RYR3: variants seen among roughly 807,000 people sequenced by gnomAD.
RYR3 encodes brain ryanodine receptor-calcium release channel.
RYR3 carries 207 observed loss-of-function variants against 584.3 expected under a neutral mutation model. The observed-to-expected ratio is 0.35, with a 90% CI of 0.32 to 0.40. RYR3 has a LOEUF of 0.40. Among genes scored for constraint, RYR3 ranks in the 10% least tolerant of loss-of-function variants. The probability of loss-of-function intolerance (pLI) is 1.00; values close to 1 mark genes in which losing one functional copy is unlikely to be tolerated. For missense variants in RYR3, 5,616 were observed against 6,089.2 expected, an observed-to-expected ratio of 0.92 and a Z score of 2.59; for synonymous variants, 2,416 against 2,248.5, an observed-to-expected ratio of 1.07 and a Z score of -2.11.
chr15:33,718,168 G>A (rs945465950), intron 43 of RYR3, among the ~76,000 whole-genome samples: 4 of 152,106 alleles, frequency 2.6e-5, no homozygotes, highest in African/African-American at 9.7e-5. Flanking sequence ...ACTGAGGTGG[G>A]ACTTGATTGG....
chr15:33,547,274 C>T (rs1355205982), intron 8 of RYR3, among the ~76,000 whole-genome samples: 7 of 152,292 alleles, frequency 4.6e-5, no homozygotes, highest in Non-Finnish European at 8.8e-5. Flanking sequence ...ACGGAGAAAG[C>T]ATAGCAGATC....
chr15:33,503,789 C>T, intron 3 of RYR3, 51 bp downstream of exon 3: 1 of 1,030,864 alleles, frequency 9.7e-7, no homozygotes, highest in Non-Finnish European at 1.5e-6. Context: ...ACCACATCCC[C>T]AAAATACGTT....
chr15:33,475,766 ATAGT>A (rs1353688297), intron 2 of RYR3, among the ~76,000 whole-genome samples: 1 of 152,222 alleles, frequency 6.6e-6, no homozygotes, highest in Non-Finnish European at 1.5e-5. Flanking sequence ...TGGGAATTTA[ATAGT>A]AACTACCCTA....
rs1460047369 is a variant in RYR3 at position 33,742,640 on chromosome 15, G to A, written c.7899+196G>A. ...ATAGGTGACAGCAGCTGCTGGTGTT[G>A]CTTTTGTATTTCTCAAGAAAATGAT... is the stretch of plus-strand genomic sequence containing the variant. On this transcript the variant is annotated intron_variant, in intron 52 of 103. Coordinates refer to ENST00000634891, the MANE Select transcript of RYR3 (RefSeq NM_001036.6). Among the ~76,000 whole-genome samples, 11 of 152,284 alleles carry A rather than the reference G, an allele frequency of 7.2e-5. No homozygotes were observed. In the East Asian group the frequency reaches 2.1e-3, roughly 29 times the overall value.
chr15:33,561,951 C>T (rs1474598678), intron 10 of RYR3, among the ~76,000 whole-genome samples: 1 of 151,832 alleles, frequency 6.6e-6, no homozygotes, highest in Non-Finnish European at 1.5e-5. Context: ...AGGCAACAGC[C>T]GTTTTTTATT....
chr15:33,798,702 G>GT (rs1257936826), intron 67 of RYR3, among the ~76,000 whole-genome samples: 1 of 152,198 alleles, frequency 6.6e-6, no homozygotes, highest in Non-Finnish European at 1.5e-5. Flanking sequence ...AATGGGGTTT[G>GT]TTACTATGGA....
At chr15:33,773,430 TC>T in intron 63 of RYR3, 103 bp from the exon 64 acceptor site, 3 of 775,906 alleles carry the variant, frequency 3.9e-6, no homozygotes. Flanking sequence ...AAGGGAGAGA[TC>T]TTTTACTCTT....
At position 33,530,680 on chromosome 15, in the gene RYR3, G is replaced by A. The variant is rs777012158; in HGVS notation, c.354+14G>A. On this transcript the variant is annotated intron_variant, in intron 4 of 103. Transcript: ENST00000634891. ...TTCAGCGGAATGGTAAGCAGCTCTG[G>A]TGCCCACTTTCATCATTCAAGGAGA... The A allele has an allele frequency of 6.2e-7, 1 of 1,602,666 alleles. No individual in the cohort carries two copies. The highest frequency in any genetic ancestry group is 8.5e-7 in the Non-Finnish European group (1 of 1,170,134).
chr15:33,365,527 T>A (rs990328625), intron 1 of RYR3, among the ~76,000 whole-genome samples: 2 of 152,042 alleles, frequency 1.3e-5, no homozygotes, highest in Non-Finnish European at 2.9e-5. Flanking sequence ...AAGTGTAGTT[T>A]GGGGACATTA....
rs114432749 is a variant in RYR3 at position 33,322,326 on chromosome 15, G to A, written c.51+11230G>A. The stretch of plus-strand genomic sequence containing the variant: ...GCATAGTGAAAAGCAAAGCAAGAGC[G>A]AGCATGTCACATGGCCAGAGAAGGA... On this transcript the variant is annotated intron_variant, in intron 1 of 103. Coordinates refer to ENST00000634891, the MANE Select transcript of RYR3 (RefSeq NM_001036.6). Among the ~76,000 whole-genome samples the A allele has an allele frequency of 6.0e-3, 919 of 152,258 alleles. 12 individuals carry two copies. The highest frequency in any genetic ancestry group is 0.021 in the African/African-American group (873 of 41,526).
intron 24 of RYR3, among the ~76,000 whole-genome samples, chr15:33,634,348 G>A (rs941685699): frequency 2.6e-5 from 4 of 152,148 alleles, no homozygotes; most frequent in Non-Finnish European, 5.9e-5. Context: ...ACCACACCCG[G>A]CCAAAAGTGT....
chr15:33,846,059 C>CAGCTGGGGT (rs774328836), intron 93 of RYR3, among the ~76,000 whole-genome samples: 3 of 152,238 alleles, frequency 2.0e-5, no homozygotes, highest in Non-Finnish European at 4.4e-5. Flanking sequence ...AGGATGGGCT[C>CAGCTGGGGT]AGCTGGGGTA....
At chr15:33,470,565 A>G (rs2048848989) in intron 1 of RYR3, among the ~76,000 whole-genome samples, 1 of 152,234 alleles carries the variant, frequency 6.6e-6, no homozygotes. Flanking sequence ...CAAATCTAGT[A>G]AAAGTAAGGA....
At chr15:33,734,962 A>G (rs978147786) in intron 48 of RYR3, among the ~76,000 whole-genome samples, 1 of 152,108 alleles carries the variant, frequency 6.6e-6, no homozygotes, top group African/African-American at 2.4e-5. Flanking sequence ...AAGTGCTGAG[A>G]TTACAGGCGT....
chr15:33,485,806 C>T (rs1483394433), intron 2 of RYR3, among the ~76,000 whole-genome samples: 2 of 152,106 alleles, frequency 1.3e-5, no homozygotes, highest in Non-Finnish European at 2.9e-5. Context: ...CAGCCAGGAT[C>T]AAAGTGTTGC....
At chr15:33,413,105 G>A (rs1209816720) in intron 1 of RYR3, among the ~76,000 whole-genome samples, 1 of 152,164 alleles carries the variant, frequency 6.6e-6, no homozygotes, top group Non-Finnish European at 1.5e-5. Context: ...AAAATGAGAT[G>A]TTCTTCCAAC....
intron 99 of RYR3, 68 bp downstream of exon 99, chr15:33,857,982 GGAA>G (rs2079879788): frequency 1.9e-6 from 3 of 1,595,770 alleles, no homozygotes; most frequent in Admixed American, 1.7e-5. Context: ...CACCTCACTG[GGAA>G]GAAGGGCTGT....
At chr15:33,858,804 C>T (rs979876076) in intron 99 of RYR3, 3 of 152,352 alleles carry the variant, frequency 2.0e-5, no homozygotes, top group South Asian at 2.1e-4. Flanking sequence ...GAAAAAGAAT[C>T]TGTGTCTCAG....
chr15:33,555,541 G>A (rs2057011169), intron 10 of RYR3, among the ~76,000 whole-genome samples: 1 of 152,174 alleles, frequency 6.6e-6, no homozygotes, highest in East Asian at 1.9e-4. Context: ...GAAAACCTTG[G>A]GCTTCGAAGT....
Sources: allele counts gnomAD v4.1 joint callset (sites outside exome capture counted in the v4.1 genomes callset), GRCh38; gene constraint gnomAD v4.1.1; transcripts MANE v1.5; gene names NCBI Gene and HGNC (gene_info 2026-07-23, HGNC 2026-07-21).